Variants in KNG1 observed in about 807,000 individuals in gnomAD.
The protein encoded by KNG1 is kininogen-1.
KNG1 carries 23 observed loss-of-function variants against 47.8 expected under a neutral mutation model. The observed-to-expected ratio is 0.48, with a 90% CI of 0.35 to 0.68. KNG1 has a LOEUF of 0.68. Ranked by LOEUF, KNG1 falls within the 30% of genes least tolerant of loss-of-function variation. The pLI, the probability that KNG1 is intolerant of heterozygous loss-of-function variation, is 0.01. For synonymous variants in KNG1, 277 were observed against 277.0 expected, an observed-to-expected ratio of 1.00 and a Z score of 0.00; for missense variants, 762 against 790.2, an observed-to-expected ratio of 0.96 and a Z score of 0.43.
intron 9 of KNG1, among the ~76,000 whole-genome samples, 180 bp from the exon 10 acceptor site, chr3:186,741,342 A>G (rs532585703): frequency 2.0e-5 from 3 of 152,124 alleles, no homozygotes; most frequent in Non-Finnish European, 4.4e-5. Context: ...AAATTTTAAG[A>G]TCAATCAAAA....
intron 9 of KNG1, among the ~76,000 whole-genome samples, chr3:186,739,620 A>G (rs1720756355): frequency 6.6e-6 from 1 of 152,196 alleles, no homozygotes; most frequent in Non-Finnish European, 1.5e-5. Flanking sequence ...ACACATTGTC[A>G]GTGTCTCAGT....
intron 4 of KNG1, among the ~76,000 whole-genome samples, chr3:186,725,543 A>ATTTTTTTTTTTTTTTTTTTTTTTTTTT (rs71167003): frequency 4.6e-5 from 4 of 87,724 alleles, no homozygotes; most frequent in Admixed American, 1.5e-4. Flanking sequence ...CGGCCTTAGG[A>ATTTTTTTTTTTTTTTTTTTTTTTTTTT]TTTTTTTTTT....
chr3:186,737,408 C>G (rs1458028626), intron 7 of KNG1, among the ~76,000 whole-genome samples: 1 of 151,972 alleles, frequency 6.6e-6, no homozygotes, highest in Non-Finnish European at 1.5e-5. Flanking sequence ...TTTTCAGAAG[C>G]AGTTTTCATT....
At chr3:186,727,042 T>TGTGTGTGTGTG (rs376637646) in intron 4 of KNG1, among the ~76,000 whole-genome samples, 195 bp from the exon 5 acceptor site, 17 of 143,850 alleles carry the variant, frequency 1.2e-4, no homozygotes, top group African/African-American at 4.4e-4. Context: ...GTGTGTGTGT[T>TGTGTGTGTGTG]TGTGTGAGAG....
chr3:186,720,980 C>T lies in KNG1; in HGVS notation c.306+765C>T, dbSNP rs5029989. ...AATTTTTTGTGTTTTTAGTAGAGAC[C>T]GGGTTTCACCGTGTTAGCCAGGATG... On this transcript the variant is annotated intron_variant, in intron 2 of 9. Coordinates refer to ENST00000644859, the MANE Select transcript of KNG1 (RefSeq NM_001102416.3). 1.0e-2 allele frequency among the ~76,000 whole-genome samples: 1,512 copies of T among 151,686 alleles called. 10 individuals carry two copies. Among genetic ancestry groups the T allele is most frequent in the Admixed American group, 0.016 (246 of 15,186 alleles).
chr3:186,719,646 G>A (rs1181882101), intron 1 of KNG1, among the ~76,000 whole-genome samples: 1 of 151,370 alleles, frequency 6.6e-6, no homozygotes, highest in Non-Finnish European at 1.5e-5. Flanking sequence ...GGAGAATGGC[G>A]TGAACCCGGG....
intron 3 of KNG1, 139 bp from the exon 4 acceptor site, chr3:186,724,949 G>C: frequency 1.3e-6 from 1 of 773,832 alleles, no homozygotes; most frequent in East Asian, 2.7e-5. Context: ...GACCTCAGGC[G>C]ATCTGCCCGC....
rs776829473 is a variant in KNG1, at chr3:186,742,087, A to G, written c.1691A>G (p.Gln564Arg). 2 of 1,613,894 alleles carry G rather than the reference A, an allele frequency of 1.2e-6. No individual in the cohort carries two copies. Among genetic ancestry groups the G allele is most frequent in the South Asian group, 2.2e-5 (2 of 91,036 alleles). ...PGVTVTFSDF[Q>R]DSDLIATMMP... ...GTAACAGTTACCTTTTCTGACTTTC[A>G]GGACTCTGATCTCATTGCAACTATG... The change falls in exon 10 of 10, where the codon CAG (glutamine) becomes CGG (arginine). Residue 564 changes from glutamine to arginine, a missense_variant. Gln to Arg is a conservative substitution (Grantham distance 43, BLOSUM62 1). Transcript: ENST00000644859.
chr3:186,720,525 GA>G, intron 2 of KNG1: 1 of 352,466 alleles, frequency 2.8e-6, no homozygotes, highest in Non-Finnish European at 5.4e-6. Context: ...AAGAGCTGGC[GA>G]GGGGAGGGGG....
chr3:186,741,567 T>C lies in KNG1; in HGVS notation c.1171T>C (p.Ser391Pro), dbSNP rs756118024. 1.3e-5 allele frequency: 21 copies of C among 1,610,508 alleles called. No individual in the cohort carries two copies. The highest frequency in any genetic ancestry group is 8.9e-5 in the East Asian group (4 of 44,884). Residue 391 changes from serine to proline, a missense_variant, in exon 10 of 10, where the codon TCA becomes CCA. By Grantham distance (74) the Ser-to-Pro change is moderately conservative. Transcript: ENST00000644859. The stretch of plus-strand genomic sequence containing the variant: ...TCCAGGTTTTTCACCTTTCCGATCA[T>C]CACGAATAGGGGAAATAAAAGAAGA... ...RPPGFSPFRS[S>P]RIGEIKEETT... is the part of the protein sequence containing the mutation.
At chr3:186,722,325 C>T (rs1720226214) in intron 2 of KNG1, 112 bp from the exon 3 acceptor site, 1 of 838,658 alleles carries the variant, frequency 1.2e-6, no homozygotes. Context: ...GTAAAATCTT[C>T]ACAAGTTTTG....
In KNG1 at chr3:186,720,129, T is replaced by G. The variant is rs761553436; in HGVS notation, c.220T>G (p.Phe74Val). 2 of 1,613,864 alleles carry G rather than the reference T, an allele frequency of 1.2e-6. No individual in the cohort carries two copies. The highest frequency in any genetic ancestry group is 1.7e-6 in the Non-Finnish European group (2 of 1,179,768). Reference protein sequence around the residue: ...KTVGSDTFYSFKYEIKEGDCP... With the variant: ...KTVGSDTFYSVKYEIKEGDCP... ...GGTTGGCTCTGACACGTTTTATTCC[T>G]TCAAGTACGAAATCAAGGAGGGGGA... Residue 74 changes from phenylalanine to valine, a missense_variant, in exon 2 of 10, where the codon TTC (phenylalanine) becomes GTC (valine). Transcript: ENST00000644859.
chr3:186,727,662 C>T (rs1325358427), intron 5 of KNG1, among the ~76,000 whole-genome samples: 2 of 152,150 alleles, frequency 1.3e-5, no homozygotes, highest in East Asian at 1.9e-4. Context: ...GCCTCCACCT[C>T]GCATGTTCAA....
intron 5 of KNG1, among the ~76,000 whole-genome samples, chr3:186,729,734 G>A (rs1469731176): frequency 1.3e-5 from 2 of 151,354 alleles, no homozygotes; most frequent in Admixed American, 6.6e-5. Context: ...GTGCAATAGC[G>A]CGATCTTGGC....
At chr3:186,730,911 T>C (rs1720514886) in intron 5 of KNG1, among the ~76,000 whole-genome samples, 1 of 151,832 alleles carries the variant, frequency 6.6e-6, no homozygotes, top group Admixed American at 6.6e-5. Flanking sequence ...TTTATTCACT[T>C]GCCCTGTCTT....
At chr3:186,739,307 G>A (rs780039544) in intron 8 of KNG1, 21 bp from the exon 9 acceptor site, 32 of 1,604,804 alleles carry the variant, frequency 2.0e-5, no homozygotes, top group Non-Finnish European at 2.5e-5. Flanking sequence ...TCTCTCTTTC[G>A]ACTTCTGTTT....
rs1560071431 is a variant in KNG1 at position 186,741,960 on chromosome 3, G to A, written c.1564G>A (p.Glu522Lys). The change falls in exon 10 of 10, where the codon GAG (glutamate) becomes AAG (lysine). Residue 522 changes from glutamate to lysine, a missense_variant. Physicochemically the swap from Glu to Lys is moderately conservative, Grantham distance 56. Coordinates refer to ENST00000644859, the MANE Select transcript of KNG1 (RefSeq NM_001102416.3). ...TGGAAAGCACAATGGTTGGAAAACA[G>A]AGCATTTGGCAAGCTCTTCTGAAGA... ...KNGKHNGWKT[E>K]HLASSSEDST... The A allele has an allele frequency of 5.6e-6, 9 of 1,614,102 alleles. No individual in the cohort carries two copies. Among genetic ancestry groups the A allele is most frequent in the Non-Finnish European group, 5.9e-6 (7 of 1,180,052 alleles).
chr3:186,729,933 A>T (rs1399869639), intron 5 of KNG1, among the ~76,000 whole-genome samples: 1 of 152,128 alleles, frequency 6.6e-6, no homozygotes, highest in African/African-American at 2.4e-5. Flanking sequence ...CAGCCTCCCA[A>T]AGTGACTTAT....
At chr3:186,736,809 G>A (rs1026770044) in intron 7 of KNG1, 2 of 151,772 alleles carry the variant, frequency 1.3e-5, no homozygotes, top group African/African-American at 4.9e-5. Flanking sequence ...CCAGCACTTT[G>A]GGGGGCCGAG....
Sources: gnomAD v4.1 joint callset for allele counts (sites outside exome capture counted in the v4.1 genomes callset) on GRCh38, gnomAD v4.1.1 for gene constraint, MANE v1.5 for transcripts, NCBI Gene and HGNC (gene_info 2026-07-23, HGNC 2026-07-21) for gene names.